DLGAP1: variants seen among roughly 807,000 people sequenced by gnomAD.
DLGAP1 encodes the protein disks large-associated protein 1.
Under a neutral mutation model 90.8 loss-of-function variants are expected in DLGAP1, and 11 were observed. The ratio of observed to expected loss-of-function variants is 0.12; its 90% CI spans 0.08 to 0.20. The LOEUF is 0.20. Among genes scored for constraint, DLGAP1 ranks in the 10% least tolerant of loss-of-function variants. The pLI, the probability that DLGAP1 is intolerant of heterozygous loss-of-function variation, is 1.00. For synonymous variants in DLGAP1, 558 were observed against 540.7 expected, an observed-to-expected ratio of 1.03 and a Z score of -0.44; for missense variants, 1,050 against 1,333.8, an observed-to-expected ratio of 0.79 and a Z score of 3.31.
At chr18:4,341,552 C>T (rs1041242869) in intron 1 of DLGAP1, among the ~76,000 whole-genome samples, 2 of 152,096 alleles carry the variant, frequency 1.3e-5, no homozygotes, top group African/African-American at 2.4e-5. Flanking sequence ...AATATTTCTT[C>T]CCAGGACCTA....
chr18:3,996,958 T>G (rs2149064906), intron 3 of DLGAP1, among the ~76,000 whole-genome samples: 1 of 152,018 alleles, frequency 6.6e-6, no homozygotes, highest in Admixed American at 6.5e-5. Flanking sequence ...ATTACAGTGC[T>G]CATGTTTATA....
At chr18:4,144,302 T>TCCCCTCTGGCTAGGA (rs2144338015) in intron 2 of DLGAP1, among the ~76,000 whole-genome samples, 1 of 152,226 alleles carries the variant, frequency 6.6e-6, no homozygotes, top group South Asian at 2.1e-4. Context: ...GACAGACAAT[T>TCCCCTCTGGCTAGGA]CCCCTCTGGC....
At chr18:4,203,942 GT>G (rs1331886640) in intron 1 of DLGAP1, among the ~76,000 whole-genome samples, 1 of 152,208 alleles carries the variant, frequency 6.6e-6, no homozygotes, top group Non-Finnish European at 1.5e-5. Flanking sequence ...TGCTTCAGCT[GT>G]TTTTCAAAAT....
intron 1 of DLGAP1, among the ~76,000 whole-genome samples, chr18:4,390,587 C>T (rs986491296): frequency 6.6e-6 from 1 of 152,132 alleles, no homozygotes; most frequent in East Asian, 1.9e-4. Context: ...TTGTTCTGAC[C>T]TTTCTAGAAC....
chr18:4,254,826 A>G (rs1336085193), intron 1 of DLGAP1, among the ~76,000 whole-genome samples: 1 of 152,232 alleles, frequency 6.6e-6, no homozygotes, highest in East Asian at 1.9e-4. Flanking sequence ...AGAAACACGA[A>G]TGAATAAGAC....
At chr18:3,939,433 A>C (rs1196505109) in intron 3 of DLGAP1, among the ~76,000 whole-genome samples, 3 of 150,348 alleles carry the variant, frequency 2.0e-5, no homozygotes, top group Admixed American at 6.6e-5. Flanking sequence ...AAAAAAAAAA[A>C]AAAAAACCAA....
intron 6 of DLGAP1, among the ~76,000 whole-genome samples, chr18:3,741,067 C>CCACCACCACCATCACCT (rs2062930960): frequency 9.2e-6 from 1 of 108,594 alleles, no homozygotes; most frequent in African/African-American, 4.1e-5. Flanking sequence ...ATCACCACCA[C>CCACCACCACCATCACCT]CACCACCACC....
chr18:4,217,827 T>C (rs915480990), intron 1 of DLGAP1, among the ~76,000 whole-genome samples: 5 of 152,134 alleles, frequency 3.3e-5, no homozygotes, highest in Non-Finnish European at 7.4e-5. Flanking sequence ...ATTATCTTTA[T>C]TGTGTCTTTT....
chr18:3,989,018 C>T lies in DLGAP1; in HGVS notation c.-73+16098G>A, dbSNP rs558465427. Among the ~76,000 whole-genome samples the T allele has an allele frequency of 2.2e-3, 330 of 152,302 alleles. 1 individual carries two copies. The highest frequency in any genetic ancestry group is 7.6e-3 in the African/African-American group (315 of 41,560). ...TGAGGTTATGGCAGGCATCACAGGC[C>T]CGGCTGCTCCCTCCTGCCTCCACTG... On this transcript the variant is annotated intron_variant, in intron 3 of 12. Coordinates refer to ENST00000315677, the MANE Select transcript of DLGAP1 (RefSeq NM_004746.4).
At chr18:3,735,680 AC>A (rs2062609760) in intron 6 of DLGAP1, among the ~76,000 whole-genome samples, 1 of 152,030 alleles carries the variant, frequency 6.6e-6, no homozygotes, top group African/African-American at 2.4e-5. Flanking sequence ...GATCTTTCTT[AC>A]AGGACAGATG....
At chr18:4,240,613 T>C (rs1032220401) in intron 1 of DLGAP1, among the ~76,000 whole-genome samples, 10 of 152,280 alleles carry the variant, frequency 6.6e-5, no homozygotes, top group Non-Finnish European at 1.5e-4. Context: ...TAGATAACTA[T>C]GAAAATGAAA....
rs185295752 is a variant in DLGAP1, at chr18:3,558,358, G to A, written c.2057+9132C>T. 3.4e-3 allele frequency among the ~76,000 whole-genome samples: 518 copies of A among 152,114 alleles called. 1 individual carries two copies. The highest frequency in any genetic ancestry group is 6.0e-3 in the Admixed American group (91 of 15,260). ...AGTGACTCTCCTGCCTCAGCCTCCC[G>A]AGTAGCTGGAACCACAGGCACGTGC... On this transcript the variant is annotated intron_variant, in intron 9 of 12. Transcript: ENST00000315677.
At chr18:4,106,775 G>GA (rs2075876201) in intron 2 of DLGAP1, among the ~76,000 whole-genome samples, 1 of 152,142 alleles carries the variant, frequency 6.6e-6, no homozygotes, top group Admixed American at 6.5e-5. Context: ...TTTAATATCA[G>GA]AATAATATAT....
rs187454046 is a variant in DLGAP1, at chr18:3,588,400, G to A, written c.1592-6152C>T. ...CTTGAACCTGGGAGGCGGAGGTTGC[G>A]GTGAGCCGAGATTGCGCCATTGCAC... On this transcript the variant is annotated intron_variant, in intron 7 of 12. Coordinates refer to ENST00000315677, the MANE Select transcript of DLGAP1 (RefSeq NM_004746.4). Among the ~76,000 whole-genome samples, 1,106 of 148,000 alleles carry A rather than the reference G, an allele frequency of 7.5e-3. 6 individuals carry two copies. Among genetic ancestry groups the A allele is most frequent in the African/African-American group, 0.026 (1,046 of 40,158 alleles).
intron 1 of DLGAP1, among the ~76,000 whole-genome samples, chr18:4,278,392 T>C (rs1180203810): frequency 6.6e-6 from 1 of 152,196 alleles, no homozygotes; most frequent in Admixed American, 6.5e-5. Flanking sequence ...ATCACTTAAC[T>C]AGTGTACATT....
At chr18:4,351,483 C>T (rs886431417) in intron 1 of DLGAP1, among the ~76,000 whole-genome samples, 3 of 152,158 alleles carry the variant, frequency 2.0e-5, no homozygotes, top group Non-Finnish European at 2.9e-5. Context: ...ATTATTCTGA[C>T]TCGAAATCTA....
intron 3 of DLGAP1, among the ~76,000 whole-genome samples, chr18:3,998,691 T>C (rs915567631): frequency 4.6e-5 from 7 of 152,192 alleles, no homozygotes; most frequent in Admixed American, 2.0e-4. Context: ...TTTCACAGTG[T>C]CCTTTTCCCT....
Position 3,660,542 on chromosome 18 carries a change from A to C in DLGAP1, c.1591+68593T>G, listed in dbSNP as rs192654548. On this transcript the variant is annotated intron_variant, in intron 7 of 12. Coordinates refer to ENST00000315677, the MANE Select transcript of DLGAP1 (RefSeq NM_004746.4). This position sits in a 1 kb window ranked among gnomAD's most constrained non-coding sequence, Gnocchi z 4.2. The stretch of plus-strand genomic sequence containing the variant: ...AGGTGATCATTCCCGAGTATCCTCA[A>C]GGAGGATCTTATCAATCCCAGCAAA... Among the ~76,000 whole-genome samples the C allele has an allele frequency of 1.5e-3, 222 of 152,368 alleles. No homozygotes were observed. The highest frequency in any genetic ancestry group is 5.2e-3 in the African/African-American group (216 of 41,588).
intron 1 of DLGAP1, among the ~76,000 whole-genome samples, chr18:4,210,308 A>T (rs28441574): frequency 0.01 from 1,526 of 152,338 alleles, 17 homozygotes; most frequent in African/African-American, 0.034. Context: ...GAATGAATAC[A>T]TGAATGGAAG....
Sources: allele counts gnomAD v4.1 joint callset (sites outside exome capture counted in the v4.1 genomes callset), GRCh38; gene constraint gnomAD v4.1.1; non-coding constraint Gnocchi (gnomAD v3.1); transcripts MANE v1.5; gene names NCBI Gene and HGNC (gene_info 2026-07-23, HGNC 2026-07-21).